Variants in PCCA observed in about 807,000 individuals in gnomAD.
PCCA encodes the protein propionyl-CoA carboxylase subunit alpha.
A neutral mutation model predicts 101.3 loss-of-function variants in PCCA; 74 were observed. That is an observed-to-expected ratio of 0.73 (90% CI 0.61 to 0.89). PCCA has a LOEUF of 0.89. Among genes scored for constraint, PCCA ranks in the 40% least tolerant of loss-of-function variants. PCCA has a pLI of 0.00. For missense variants in PCCA, 891 were observed against 907.0 expected (o/e 0.98, Z 0.23); for synonymous variants, 294 against 313.6 (o/e 0.94, Z 0.66).
chr13:100,484,127 A>G (rs949145544), intron 21 of PCCA, among the ~76,000 whole-genome samples: 3 of 152,162 alleles, frequency 2.0e-5, no homozygotes, highest in Non-Finnish European at 4.4e-5. Context: ...GAACCTCACT[A>G]CAAGAAAACT....
intron 21 of PCCA, among the ~76,000 whole-genome samples, chr13:100,501,766 TG>T (rs2085690842): frequency 6.6e-6 from 1 of 151,964 alleles, no homozygotes; most frequent in Non-Finnish European, 1.5e-5. Context: ...CCCAGCTACT[TG>T]GGAGGCTGAG....
rs543088876 is a variant in PCCA at position 100,198,745 on chromosome 13, C to T, written c.469-10587C>T. ...AACTCCTGACCTCAGGTAATCTGCC[C>T]GCCTCGGCCTCCCAAAGTGCTGGGA... On this transcript the variant is annotated intron_variant, in intron 6 of 23. Transcript: ENST00000376285. Among the ~76,000 whole-genome samples, 54 of 151,982 alleles carry T rather than the reference C, an allele frequency of 3.6e-4. 1 individual carries two copies. Among genetic ancestry groups the T allele is most frequent in the African/African-American group, 1.2e-3 (48 of 41,418 alleles).
At chr13:100,274,004 T>C (rs950116576) in intron 12 of PCCA, among the ~76,000 whole-genome samples, 15 of 152,172 alleles carry the variant, frequency 9.9e-5, no homozygotes, top group African/African-American at 3.4e-4. Context: ...AATGTATTAT[T>C]ATAAAGCAAA....
At chr13:100,374,400 C>T (rs965165990) in intron 19 of PCCA, among the ~76,000 whole-genome samples, 1 of 152,094 alleles carries the variant, frequency 6.6e-6, no homozygotes, top group Non-Finnish European at 1.5e-5. Context: ...TAATTATTTT[C>T]ATGATTCCCT....
At chr13:100,422,070 T>TTTC (rs10668689) in intron 19 of PCCA, among the ~76,000 whole-genome samples, 46,144 of 110,326 alleles carry the variant, frequency 0.42, 11,086 homozygotes, top group Middle Eastern at 0.52. Flanking sequence ...TTCTCTTTTC[T>TTTC]TTTCTTTCTT....
intron 4 of PCCA, among the ~76,000 whole-genome samples, chr13:100,137,935 G>T (rs1451191572): frequency 6.6e-6 from 1 of 151,738 alleles, no homozygotes; most frequent in South Asian, 2.1e-4. Flanking sequence ...TCAGCCTCCT[G>T]AGTAACTGGG....
At chr13:100,267,415 A>G (rs1254781503) in intron 10 of PCCA, among the ~76,000 whole-genome samples, 1 of 152,166 alleles carries the variant, frequency 6.6e-6, no homozygotes, top group African/African-American at 2.4e-5. Context: ...TTACAGTCAT[A>G]TATTAACTAT....
At chr13:100,275,222 C>T (rs907364779) in intron 12 of PCCA, among the ~76,000 whole-genome samples, 4 of 152,104 alleles carry the variant, frequency 2.6e-5, no homozygotes, top group Admixed American at 6.5e-5. Flanking sequence ...TCATGGGAGC[C>T]GTGTCTTCAT....
At chr13:100,455,246 GCTACTAGC>G (rs1484299171) in intron 21 of PCCA, among the ~76,000 whole-genome samples, 1 of 152,212 alleles carries the variant, frequency 6.6e-6, no homozygotes, top group East Asian at 1.9e-4. Flanking sequence ...TGAGAAGGAG[GCTACTAGC>G]CTGAAGAGTT....
At chr13:100,210,981 C>T (rs2059176412) in intron 7 of PCCA, among the ~76,000 whole-genome samples, 1 of 152,218 alleles carries the variant, frequency 6.6e-6, no homozygotes, top group Non-Finnish European at 1.5e-5. Flanking sequence ...TCCTCCTACG[C>T]TCCAAATGTA....
chr13:100,220,467 G>T (rs1345175431), intron 7 of PCCA, among the ~76,000 whole-genome samples: 1 of 150,526 alleles, frequency 6.6e-6, no homozygotes, highest in Non-Finnish European at 1.5e-5. Flanking sequence ...TAGAGACTGG[G>T]TTTCACCATG....
chr13:100,519,885 C>G (rs925642551), intron 22 of PCCA, among the ~76,000 whole-genome samples: 3 of 152,272 alleles, frequency 2.0e-5, no homozygotes, highest in African/African-American at 7.2e-5. Flanking sequence ...GCATCTTTCC[C>G]TGGCAGAGGG....
intron 21 of PCCA, among the ~76,000 whole-genome samples, chr13:100,488,641 T>G (rs2390435): frequency 3.0e-5 from 2 of 66,978 alleles, no homozygotes; most frequent in Non-Finnish European, 5.7e-5. Flanking sequence ...TTGTTTTTTT[T>G]TTGTTTTTTT....
intron 12 of PCCA, among the ~76,000 whole-genome samples, chr13:100,297,002 AT>A (rs945472289): frequency 1.3e-5 from 2 of 152,142 alleles, no homozygotes; most frequent in Admixed American, 1.3e-4. Context: ...TGATCTTAAC[AT>A]TTTTTAAGAG....
intron 6 of PCCA, among the ~76,000 whole-genome samples, chr13:100,205,191 C>T (rs1031160902): frequency 2.6e-5 from 4 of 152,088 alleles, no homozygotes; most frequent in Non-Finnish European, 5.9e-5. Context: ...AGAAGAGTAT[C>T]GAAGGTTACT....
At chr13:100,402,572 T>C (rs1019864728) in intron 19 of PCCA, among the ~76,000 whole-genome samples, 2 of 152,220 alleles carry the variant, frequency 1.3e-5, no homozygotes, top group Admixed American at 1.3e-4. Context: ...CCTCACGAAC[T>C]TCCAGCCTAG....
chr13:100,427,398 T>C lies in PCCA; in HGVS notation c.1845+1667T>C, dbSNP rs147137933. 5.2e-3 allele frequency among the ~76,000 whole-genome samples: 795 copies of C among 152,332 alleles called. 4 individuals carry two copies. Among genetic ancestry groups the C allele is most frequent in the African/African-American group, 0.018 (737 of 41,562 alleles). On this transcript the variant is annotated intron_variant, in intron 20 of 23. Coordinates refer to ENST00000376285, the MANE Select transcript of PCCA (RefSeq NM_000282.4). ...ACTCCTATTATGCAAATTTTTTGTA[T>C]TGTGTTACTTTCATCATCCTTTTCA...
Position 100,368,552 on chromosome 13 carries a change from C to G in PCCA, c.1724C>G (p.Ser575Ter), listed in dbSNP as rs1487741036. ...GATAAAGTTCATACCGTAGTAGCAT[C>G]AAACAATGGGTCAGTGTTCTCGGTG... Reference protein sequence around the residue: ...LHDKVHTVVASNNGSVFSVEV... With the variant: ...LHDKVHTVVA The change falls in exon 19 of 24, where the codon TCA becomes TGA. Residue 575 changes from serine to a stop codon, truncating the protein, a stop_gained. Coordinates refer to ENST00000376285, the MANE Select transcript of PCCA (RefSeq NM_000282.4). LOFTEE classifies it high-confidence loss of function. The G allele has an allele frequency of 6.2e-7, 1 of 1,603,700 alleles. No individual in the cohort carries two copies. The highest frequency in any genetic ancestry group is 1.1e-5 in the South Asian group (1 of 90,812).
intron 8 of PCCA, among the ~76,000 whole-genome samples, chr13:100,256,738 C>T (rs1024314134): frequency 6.6e-6 from 1 of 152,130 alleles, no homozygotes; most frequent in Non-Finnish European, 1.5e-5. Context: ...GCTCACTGAG[C>T]TCTTTTTTCT....
Sources: allele counts gnomAD v4.1 joint callset (sites outside exome capture counted in the v4.1 genomes callset), GRCh38; gene constraint gnomAD v4.1.1; transcripts MANE v1.5; gene names NCBI Gene and HGNC (gene_info 2026-07-23, HGNC 2026-07-21).